CLN8: variants seen among roughly 807,000 people sequenced by gnomAD.
CLN8 encodes CLN8 transmembrane ER and ERGIC protein.
Under a neutral mutation model 15.7 loss-of-function variants are expected in CLN8, and 14 were observed. That is an observed-to-expected ratio of 0.89 (90% CI 0.59 to 1.39). CLN8 has a LOEUF of 1.39. CLN8 is among the 40% of genes most tolerant of loss of function. The pLI, the probability that CLN8 is intolerant of heterozygous loss-of-function variation, is 0.00. For synonymous variants in CLN8, 188 were observed against 151.0 expected (o/e 1.25, Z -1.80); for missense variants, 415 against 364.0 (o/e 1.14, Z -1.14).
At chr8:1,759,106 G>T (rs1347171136), upstream of CLN8, 2 of 152,174 alleles carry the variant, frequency 1.3e-5, no homozygotes, top group African/African-American at 2.4e-5. Context: ...AGTCTGTTTT[G>T]TCAACCTTAA....
intron 1 of CLN8, among the ~76,000 whole-genome samples, chr8:1,757,679 G>A (rs1471037501): frequency 3.9e-5 from 6 of 152,008 alleles, no homozygotes; most frequent in Non-Finnish European, 8.8e-5. Context: ...AGATCCACCC[G>A]CCTCGGCCTC....
chr8:1,776,266 G>A (rs774459839), intron 2 of CLN8, among the ~76,000 whole-genome samples: 8 of 152,258 alleles, frequency 5.3e-5, no homozygotes, highest in Non-Finnish European at 8.8e-5. Context: ...AATCTGTGAG[G>A]GGCAGCTGTA....
chr8:1,756,802 C>T (rs557492955), intron 1 of CLN8, among the ~76,000 whole-genome samples: 1 of 151,614 alleles, frequency 6.6e-6, no homozygotes, highest in South Asian at 2.1e-4. Context: ...CCTGCCTCAG[C>T]CTCCCAAGTA....
Position 1,771,387 on chromosome 8 carries a change from G to A in CLN8, c.333G>A (p.Thr111=), listed in dbSNP as rs377273687. 5.1e-5 allele frequency: 82 copies of A among 1,614,062 alleles called. No homozygotes were observed. Among genetic ancestry groups the A allele is most frequent in the Non-Finnish European group, 4.6e-5 (54 of 1,180,054 alleles). The change falls in exon 2 of 3, where the codon ACG becomes ACA. Residue 111 remains threonine, a synonymous_variant. Coordinates refer to ENST00000331222, the MANE Select transcript of CLN8 (RefSeq NM_018941.4). ...NWCWFHITTA[T]GFFCFENVAV... Reference sequence around the variant, plus strand: ...GCTGGTTTCACATCACGACAGCAACGGGATTCTTTTGCTTTGAAAATGTTG... The same window carrying A: ...GCTGGTTTCACATCACGACAGCAACAGGATTCTTTTGCTTTGAAAATGTTG...
chr8:1,763,388 CG>C (rs562405797), upstream of CLN8: 1,638 of 79,318 alleles, frequency 0.021, 232 homozygotes, highest in Middle Eastern at 0.073. Flanking sequence ...CCACAGCGCC[CG>C]CCGCGCCGCG....
chr8:1,779,790 T>C (rs1210540646), intron 2 of CLN8, among the ~76,000 whole-genome samples: 2 of 152,192 alleles, frequency 1.3e-5, no homozygotes, highest in East Asian at 3.9e-4. Context: ...TTTCTCTTCT[T>C]ATGACACTAA....
chr8:1,753,693 G>A (rs1191454847), upstream of CLN8, among the ~76,000 whole-genome samples: 1 of 151,354 alleles, frequency 6.6e-6, no homozygotes, highest in Non-Finnish European at 1.5e-5. Context: ...AGACCATCCT[G>A]GCTAACATGG....
At chr8:1,767,682 C>T (rs1369217543) in intron 1 of CLN8, among the ~76,000 whole-genome samples, 1 of 144,204 alleles carries the variant, frequency 6.9e-6, no homozygotes, top group African/African-American at 2.6e-5. Flanking sequence ...AGCGATTCTC[C>T]TGCCTCAGCC....
At chr8:1,769,667 A>G (rs185375458) in intron 1 of CLN8, among the ~76,000 whole-genome samples, 3 of 152,334 alleles carry the variant, frequency 2.0e-5, no homozygotes, top group Non-Finnish European at 2.9e-5. Context: ...AAAGGCTGGA[A>G]TCAATCACAC....
upstream of CLN8, among the ~76,000 whole-genome samples, chr8:1,753,161 G>A (rs570898779): frequency 7.9e-5 from 12 of 152,156 alleles, no homozygotes; most frequent in Admixed American, 1.3e-4. Context: ...AGGTTGGTAC[G>A]TGGCAAGGTG....
chr8:1,762,886 T>C (rs1800837069), upstream of CLN8: 1 of 152,238 alleles, frequency 6.6e-6, no homozygotes, highest in African/African-American at 2.4e-5. Context: ...GGAACGTGTA[T>C]TGATCATCAA....
upstream of CLN8, among the ~76,000 whole-genome samples, chr8:1,754,520 G>A (rs551667547): frequency 1.2e-4 from 19 of 152,320 alleles, no homozygotes; most frequent in South Asian, 2.9e-3. Flanking sequence ...TAGTGAGGAC[G>A]TTCTTATAAG....
chr8:1,780,593 G>A lies in CLN8; in HGVS notation c.*26G>A, dbSNP rs2129015365. 1.9e-6 allele frequency: 3 copies of A among 1,608,432 alleles called. No homozygotes were observed. The highest frequency in any genetic ancestry group is 2.6e-6 in the Non-Finnish European group (3 of 1,175,916). ...CTGCTCCAGCCGGGGCTCCGGGGCGGCAGCAGAGCTGGCACACCGATTCTG... is the reference window on the plus strand; with the variant it reads ...CTGCTCCAGCCGGGGCTCCGGGGCGACAGCAGAGCTGGCACACCGATTCTG... On this transcript the variant is annotated 3_prime_UTR_variant, in exon 3 of 3. Transcript: ENST00000331222.
In CLN8 at chr8:1,780,631, A is replaced by T. The variant is rs1171775289; in HGVS notation, c.*64A>T. On this transcript the variant is annotated 3_prime_UTR_variant, in exon 3 of 3. Transcript: ENST00000331222. ...CACACCGATTCTGGGAAGCCCCGCG[A>T]ATGATGGCTTTTGAATTAATGAGGC... 1 of 1,485,796 alleles carries T rather than the reference A, an allele frequency of 6.7e-7. No individual in the cohort carries two copies. Among genetic ancestry groups the T allele is most frequent in the Non-Finnish European group, 9.3e-7 (1 of 1,072,606 alleles). The allele number at this position is 1,485,796 out of a possible 1,614,324, so 92.0% of individuals were successfully genotyped here. A position where few individuals can be genotyped will look rare whatever the true frequency, so the allele number is the denominator to read the frequency against.
At chr8:1,767,667 G>A (rs916856072) in intron 1 of CLN8, among the ~76,000 whole-genome samples, 2 of 145,892 alleles carry the variant, frequency 1.4e-5, no homozygotes, top group East Asian at 4.2e-4. Context: ...CACCTCCCGG[G>A]TTCAAGCGAT....
At chr8:1,778,440 T>C (rs1004895678) in intron 2 of CLN8, among the ~76,000 whole-genome samples, 3 of 152,202 alleles carry the variant, frequency 2.0e-5, no homozygotes, top group Non-Finnish European at 4.4e-5. Flanking sequence ...CCCTGTCCCA[T>C]TCAGTTTGGA....
intron 1 of CLN8, among the ~76,000 whole-genome samples, chr8:1,770,388 C>T (rs896034800): frequency 2.6e-5 from 4 of 152,140 alleles, no homozygotes; most frequent in Middle Eastern, 3.2e-3. Context: ...AATTGATAAT[C>T]ACATTCTGCA....
upstream of CLN8, among the ~76,000 whole-genome samples, chr8:1,755,101 T>C (rs1286423655): frequency 6.6e-6 from 1 of 152,150 alleles, no homozygotes; most frequent in Non-Finnish European, 1.5e-5. Flanking sequence ...ACCTTCGTCA[T>C]TCCATGAAAT....
upstream of CLN8, among the ~76,000 whole-genome samples, chr8:1,753,314 TA>T (rs917616490): frequency 1.4e-5 from 1 of 71,090 alleles, no homozygotes; most frequent in African/African-American, 4.1e-5. Flanking sequence ...CTCATGCCTG[TA>T]ATCCCAGCAC....
Sources: gnomAD v4.1 joint callset for allele counts (sites outside exome capture counted in the v4.1 genomes callset) on GRCh38, gnomAD v4.1.1 for gene constraint, MANE v1.5 for transcripts, NCBI Gene and HGNC (gene_info 2026-07-23, HGNC 2026-07-21) for gene names.